Variants in TMEM272 observed in about 807,000 individuals in gnomAD.
TMEM272 encodes long intergenic non-protein coding RNA 282.
Under a neutral mutation model 3.7 loss-of-function variants are expected in TMEM272, and 8 were observed. That is an observed-to-expected ratio of 2.17 (90% CI 1.27 to 3.91). TMEM272 has a LOEUF of 3.91. Among genes scored for constraint, TMEM272 ranks in the 30% most tolerant of loss-of-function variants. The pLI, the probability that TMEM272 is intolerant of heterozygous loss-of-function variation, is 0.00. For missense variants in TMEM272, 166 were observed against 91.5 expected (o/e 1.81, Z -3.32); for synonymous variants, 63 against 39.8 (o/e 1.58, Z -2.20).
At chr13:51,926,190 T>C in the TMEM272 span, among the ~76,000 whole-genome samples, 5 of 152,058 alleles carry the variant, frequency 3.3e-5, no homozygotes, top group Non-Finnish European at 7.4e-5. Flanking sequence ...TTCCCTGCAC[T>C]GGTTCCTTGA....
chr13:51,863,047 G>C, the TMEM272 span, among the ~76,000 whole-genome samples: 2 of 152,240 alleles, frequency 1.3e-5, no homozygotes, highest in Non-Finnish European at 2.9e-5. Flanking sequence ...GAGGGTCCGA[G>C]TAGCTTTCAG....
At chr13:51,832,560 C>G (rs1956182289) in intron 2 of TMEM272, among the ~76,000 whole-genome samples, 3 of 152,114 alleles carry the variant, frequency 2.0e-5, no homozygotes, top group Admixed American at 2.0e-4. Context: ...CCAAACTGCC[C>G]TTTCCACCTC....
At chr13:51,891,143 T>A in the TMEM272 span, among the ~76,000 whole-genome samples, 1 of 152,094 alleles carries the variant, frequency 6.6e-6, no homozygotes, top group African/African-American at 2.4e-5. Flanking sequence ...CACAGCCCAG[T>A]GATCATTCAG....
chr13:51,916,290 T>G, the TMEM272 span, among the ~76,000 whole-genome samples: 4 of 152,196 alleles, frequency 2.6e-5, no homozygotes, highest in African/African-American at 9.7e-5. Context: ...GAAGCTTCAG[T>G]GAACAGCCCA....
At chr13:51,855,753 A>C in the TMEM272 span, among the ~76,000 whole-genome samples, 1 of 152,226 alleles carries the variant, frequency 6.6e-6, no homozygotes, top group East Asian at 1.9e-4. Context: ...AGAATTAGAA[A>C]AGAGCATAAA....
chr13:51,866,098 G>C, the TMEM272 span: 1 of 1,541,656 alleles, frequency 6.5e-7, no homozygotes, highest in Non-Finnish European at 8.7e-7. Context: ...GCAGGTGCAG[G>C]GCCCTGTGGT....
the TMEM272 span, among the ~76,000 whole-genome samples, chr13:51,870,302 T>C: frequency 1.2e-4 from 19 of 152,214 alleles, no homozygotes; most frequent in African/African-American, 3.9e-4. Flanking sequence ...TCCATTTTAT[T>C]AGGATAAATT....
At chr13:51,879,136 C>A in the TMEM272 span, among the ~76,000 whole-genome samples, 1 of 152,144 alleles carries the variant, frequency 6.6e-6, no homozygotes, top group East Asian at 1.9e-4. Context: ...ATGTATGTCT[C>A]CTTTTCCTCT....
At chr13:51,891,676 C>T in the TMEM272 span, among the ~76,000 whole-genome samples, 1 of 152,104 alleles carries the variant, frequency 6.6e-6, no homozygotes, top group East Asian at 1.9e-4. Context: ...CGAAGGATTC[C>T]GCAGGGGTGG....
At chr13:51,887,628 T>A in the TMEM272 span, among the ~76,000 whole-genome samples, 9 of 152,202 alleles carry the variant, frequency 5.9e-5, no homozygotes, top group Non-Finnish European at 1.2e-4. Flanking sequence ...AATCCAGTAA[T>A]GCATATCCTT....
At chr13:51,857,506 G>T in the TMEM272 span, among the ~76,000 whole-genome samples, 2 of 151,836 alleles carry the variant, frequency 1.3e-5, no homozygotes, top group African/African-American at 4.8e-5. Context: ...AGGTAGAAGG[G>T]GTATAAGTGG....
At chr13:51,887,169 T>C in the TMEM272 span, among the ~76,000 whole-genome samples, 3 of 152,172 alleles carry the variant, frequency 2.0e-5, no homozygotes, top group Non-Finnish European at 4.4e-5. Context: ...CTTTGCTTGG[T>C]GTAAAGGTTT....
chr13:51,862,293 T>C, the TMEM272 span: 1 of 152,324 alleles, frequency 6.6e-6, no homozygotes, highest in East Asian at 1.9e-4. Flanking sequence ...TATATAATAT[T>C]TTCCTTAAAA....
intron 4 of TMEM272, among the ~76,000 whole-genome samples, chr13:51,819,774 T>C (rs1362221595): frequency 6.6e-6 from 1 of 152,176 alleles, no homozygotes; most frequent in Non-Finnish European, 1.5e-5. Flanking sequence ...ACATGCTTAC[T>C]AGGGGTAGCA....
chr13:51,819,410 T>A (rs1956060276), intron 4 of TMEM272, among the ~76,000 whole-genome samples: 2 of 152,070 alleles, frequency 1.3e-5, no homozygotes, highest in African/African-American at 4.8e-5. Context: ...CAGGGCCCCA[T>A]TCCTTGGAGG....
At chr13:51,880,753 G>A in the TMEM272 span, among the ~76,000 whole-genome samples, 1 of 152,164 alleles carries the variant, frequency 6.6e-6, no homozygotes, top group Non-Finnish European at 1.5e-5. Context: ...TCCCATGGGT[G>A]CCACAAGAAA....
chr13:51,905,836 G>A, the TMEM272 span, among the ~76,000 whole-genome samples: 469 of 152,360 alleles, frequency 3.1e-3, 4 homozygotes, highest in African/African-American at 0.01. Context: ...CTATGATGGA[G>A]AGCAACTCAG....
chr13:51,930,291 G>A, the TMEM272 span: 22 of 152,260 alleles, frequency 1.4e-4, no homozygotes, highest in East Asian at 1.7e-3. Context: ...TTACATCTCT[G>A]TTTATTCATC....
chr13:51,852,164 C>A, the TMEM272 span, among the ~76,000 whole-genome samples: 1 of 152,210 alleles, frequency 6.6e-6, no homozygotes, highest in Non-Finnish European at 1.5e-5. Context: ...AGTGTATTGT[C>A]AAACTTTTGG....
Sources: gnomAD v4.1 joint callset for allele counts (sites outside exome capture counted in the v4.1 genomes callset) on GRCh38, gnomAD v4.1.1 for gene constraint, MANE v1.5 for transcripts, NCBI Gene and HGNC (gene_info 2026-07-23, HGNC 2026-07-21) for gene names.